Variants in MPPED1 observed in about 807,000 individuals in gnomAD.
MPPED1 encodes the protein metallophosphoesterase domain containing 1.
Under a neutral mutation model 36.2 loss-of-function variants are expected in MPPED1, and 16 were observed. The ratio of observed to expected loss-of-function variants is 0.44; its 90% CI spans 0.30 to 0.67. The LOEUF (loss-of-function observed/expected upper bound fraction) is 0.67. Among genes scored for constraint, MPPED1 ranks in the 30% least tolerant of loss-of-function variants. The pLI is 0.10. For synonymous variants in MPPED1, 199 were observed against 191.3 expected (o/e 1.04, Z -0.33); for missense variants, 307 against 453.4 (o/e 0.68, Z 2.93).
chr22:43,498,200 C>A lies in MPPED1; in HGVS notation c.633-35C>A, dbSNP rs182486980. 707 of 1,503,746 alleles carry A rather than the reference C, an allele frequency of 4.7e-4. 3 individuals are homozygous for A. In the African/African-American group the frequency reaches 8.5e-3, roughly 18 times the overall value. The allele number at this position is 1,503,746 out of a possible 1,614,324, so 93.2% of individuals were successfully genotyped here. ...CCCTCTGACCACCCTGTACTTTCAC[C>A]CGCCCTCCCTCAAACACCTGCACTT... On this transcript the variant is annotated intron_variant, in intron 4 of 6. Transcript: ENST00000443721.
At chr22:43,469,498 G>A (rs1931293217) in intron 3 of MPPED1, among the ~76,000 whole-genome samples, 1 of 152,256 alleles carries the variant, frequency 6.6e-6, no homozygotes, top group Non-Finnish European at 1.5e-5. Flanking sequence ...TGGGAACACT[G>A]GAAAACTAAT....
In MPPED1 at chr22:43,424,896, C is replaced by T. The variant is rs1294706181; in HGVS notation, c.-78-12C>T. On this transcript the variant is annotated splice_polypyrimidine_tract_variant and intron_variant, in intron 1 of 6. Coordinates refer to ENST00000443721, the MANE Select transcript of MPPED1 (RefSeq NM_001044370.2). ...AGATTAACTGTCGCACGGTTCTGCT[C>T]CGTCTCCTCAGTCTGTTTCCAGGTC... The T allele has an allele frequency of 1.3e-6, 2 of 1,524,618 alleles. No homozygotes were observed. The highest frequency in any genetic ancestry group is 1.8e-6 in the Non-Finnish European group (2 of 1,138,312). The allele number at this position is 1,524,618 out of a possible 1,614,324, so 94.4% of individuals were successfully genotyped here.
intron 2 of MPPED1, among the ~76,000 whole-genome samples, chr22:43,426,951 A>C (rs1299875603): frequency 6.6e-6 from 1 of 151,898 alleles, no homozygotes; most frequent in Non-Finnish European, 1.5e-5. Context: ...GAGGCCTGGG[A>C]GGGGCTGCAG....
intron 3 of MPPED1, among the ~76,000 whole-genome samples, chr22:43,449,274 G>A (rs573323141): frequency 6.6e-6 from 1 of 152,144 alleles, no homozygotes; most frequent in East Asian, 1.9e-4. Flanking sequence ...CAGATATCCT[G>A]GGCCCTGAGT....
At chr22:43,495,252 A>T (rs1311813779) in intron 4 of MPPED1, among the ~76,000 whole-genome samples, 40 of 99,138 alleles carry the variant, frequency 4.0e-4, no homozygotes, top group South Asian at 2.3e-3. Context: ...GTGGTGATGG[A>T]GGTGGTGATG....
intron 4 of MPPED1, among the ~76,000 whole-genome samples, chr22:43,494,021 C>T (rs141909530): frequency 0.069 from 10,441 of 152,086 alleles, 383 homozygotes; most frequent in Admixed American, 0.094. Context: ...AAAACTCTTC[C>T]GGGCCACTCT....
intron 4 of MPPED1, among the ~76,000 whole-genome samples, chr22:43,488,754 A>G (rs1295030467): frequency 1.3e-5 from 2 of 152,236 alleles, no homozygotes; most frequent in Non-Finnish European, 2.9e-5. Context: ...AATTATTCCA[A>G]TGGTTACTTT....
chr22:43,479,830 T>C (rs1931694648), intron 4 of MPPED1, among the ~76,000 whole-genome samples: 1 of 152,188 alleles, frequency 6.6e-6, no homozygotes, highest in South Asian at 2.1e-4. Context: ...CTGTTACCAC[T>C]AAGAGATACT....
At chr22:43,442,248 T>A (rs951385289) in intron 3 of MPPED1, among the ~76,000 whole-genome samples, 2 of 152,038 alleles carry the variant, frequency 1.3e-5, no homozygotes, top group Non-Finnish European at 2.9e-5. Context: ...CTGCAGCTTG[T>A]GCAAGTCCCT....
chr22:43,497,929 G>GTGTATATATA (rs1555904565), intron 4 of MPPED1, among the ~76,000 whole-genome samples: 224 of 48,410 alleles, frequency 4.6e-3, no homozygotes, highest in Non-Finnish European at 5.8e-3. Flanking sequence ...ATATATATAT[G>GTGTATATATA]TATATGTATA....
chr22:43,506,161 C>A lies in MPPED1; in HGVS notation c.*545C>A, dbSNP rs1325339346. The A allele has an allele frequency of 6.5e-6, 1 of 152,818 alleles. No homozygotes were observed. Among genetic ancestry groups the A allele is most frequent in the East Asian group, 1.9e-4 (1 of 5,180 alleles). 9.5% of individuals were successfully genotyped at this position (152,818 alleles called of 1,614,324 possible). ...TTTAGGGACATCTCAGGAATTCAGA[C>A]CGCACCTGGCCAGGCCCACAGCTGT... On this transcript the variant is annotated 3_prime_UTR_variant, in exon 7 of 7. Transcript: ENST00000443721.
intron 2 of MPPED1, among the ~76,000 whole-genome samples, chr22:43,428,433 T>C (rs1601949999): frequency 1.3e-5 from 2 of 152,168 alleles, no homozygotes; most frequent in Non-Finnish European, 2.9e-5. Context: ...TGCCTCCCAC[T>C]GCCCCTTCAT....
intron 4 of MPPED1, among the ~76,000 whole-genome samples, chr22:43,489,599 A>G (rs1932022851): frequency 6.6e-6 from 1 of 151,520 alleles, no homozygotes; most frequent in African/African-American, 2.4e-5. Flanking sequence ...GCTCACTGCA[A>G]CCTCTGCCTC....
chr22:43,460,295 CA>C (rs60820577), intron 3 of MPPED1, among the ~76,000 whole-genome samples: 1 of 88,704 alleles, frequency 1.1e-5, no homozygotes, highest in Admixed American at 1.1e-4. Context: ...CAAAACAAAA[CA>C]AAAAAAACTG....
Position 43,424,956 on chromosome 22 carries a change from G to A in MPPED1, c.-30G>A, listed in dbSNP as rs1391618553. The A allele has an allele frequency of 3.2e-6, 5 of 1,554,542 alleles. No homozygotes were observed. The Admixed American group carries it at 9.6e-5, about 30-fold the overall frequency. On this transcript the variant is annotated 5_prime_UTR_variant, in exon 2 of 7. Transcript: ENST00000443721. ...GCCGGGCTGCGGTGGCGGCAGCGGT[G>A]GGAGATGCCGGGGCGGCCGGCGGAG... is the stretch of plus-strand genomic sequence containing the variant.
chr22:43,466,952 C>T (rs771880732), intron 3 of MPPED1, among the ~76,000 whole-genome samples: 4 of 152,152 alleles, frequency 2.6e-5, no homozygotes, highest in Non-Finnish European at 5.9e-5. Context: ...TGAGTGTAAG[C>T]CTCCTTTGTG....
At position 43,475,048 on chromosome 22, in the gene MPPED1, C is replaced by T. The variant is rs1931501168; in HGVS notation, c.632+87C>T. 3 of 1,217,828 alleles carry T rather than the reference C, an allele frequency of 2.5e-6. No homozygotes were observed. The East Asian group carries it at 7.1e-5, about 29-fold the overall frequency. The allele number at this position is 1,217,828 out of a possible 1,614,324, so 75.4% of individuals were successfully genotyped here. On this transcript the variant is annotated intron_variant, in intron 4 of 6. Coordinates refer to ENST00000443721, the MANE Select transcript of MPPED1 (RefSeq NM_001044370.2). ...GGGGTGTAGGGGATGGGAGTAGCAG[C>T]AGGGAGCTCCGGATGCGAGGCTCAG... is the stretch of plus-strand genomic sequence containing the variant.
intron 4 of MPPED1, among the ~76,000 whole-genome samples, chr22:43,489,819 C>A (rs1161755063): frequency 6.6e-6 from 1 of 152,160 alleles, no homozygotes; most frequent in African/African-American, 2.4e-5. Flanking sequence ...GCACCCGGCC[C>A]CTGTCCACCA....
intron 4 of MPPED1, among the ~76,000 whole-genome samples, chr22:43,490,148 C>T (rs958304974): frequency 2.6e-5 from 4 of 152,230 alleles, no homozygotes; most frequent in South Asian, 2.1e-4. Flanking sequence ...AGGCTCTGGG[C>T]CCCCGGACCC....
Sources: allele counts gnomAD v4.1 joint callset (sites outside exome capture counted in the v4.1 genomes callset), GRCh38; gene constraint gnomAD v4.1.1; transcripts MANE v1.5; gene names NCBI Gene and HGNC (gene_info 2026-07-23, HGNC 2026-07-21).